Variants in LDHC observed in about 807,000 individuals in gnomAD.
LDHC encodes lactate dehydrogenase C, also known as L-lactate dehydrogenase C chain.
Under a neutral mutation model 30.2 loss-of-function variants are expected in LDHC, and 20 were observed. That is an observed-to-expected ratio of 0.66 (90% CI 0.47 to 0.96). The LOEUF is 0.96. LDHC is among the 40% of genes least tolerant of loss of function. The pLI, the probability that LDHC is intolerant of heterozygous loss-of-function variation, is 0.00. For missense variants in LDHC, 362 were observed against 394.9 expected (o/e 0.92, Z 0.71); for synonymous variants, 139 against 132.7 (o/e 1.05, Z -0.32).
chr11:18,451,345 A>G lies in LDHC; in HGVS notation c.*218A>G. 2.9e-6 allele frequency: 1 copy of G among 347,130 alleles called. No homozygotes were observed. The highest frequency in any genetic ancestry group is 5.1e-6 in the Non-Finnish European group (1 of 196,368). 21.5% of individuals were successfully genotyped at this position (347,130 alleles called of 1,614,324 possible). A position where few individuals can be genotyped will look rare whatever the true frequency, so the allele number is the denominator to read the frequency against. On this transcript the variant is annotated 3_prime_UTR_variant, in exon 8 of 8. Coordinates refer to ENST00000541669, the MANE Select transcript of LDHC (RefSeq NM_017448.5). ...TCTATTCTAATGATACCCAATCTGTACAGGTGTAAGTTATACTTCTGAGGT... is the reference window on the plus strand; with the variant it reads ...TCTATTCTAATGATACCCAATCTGTGCAGGTGTAAGTTATACTTCTGAGGT...
chr11:18,415,238 G>T lies in LDHC; in HGVS notation c.181G>T (p.Glu61Ter). ...VDVALDKLKGEMMDLQHGSLF... is the reference protein window; with the variant it reads ...VDVALDKLKG ...TGTTGCATTGGACAAACTGAAGGGA[G>T]AAATGATGGATCTTCAGCATGGCAG... The change falls in exon 3 of 8, where the codon GAA becomes TAA. Residue 61 changes from glutamate to a stop codon, truncating the protein, a stop_gained. Coordinates refer to ENST00000541669, the MANE Select transcript of LDHC (RefSeq NM_017448.5). LOFTEE classifies it high-confidence loss of function. The T allele has an allele frequency of 6.2e-7, 1 of 1,611,238 alleles. No homozygotes were observed. The highest frequency in any genetic ancestry group is 8.5e-7 in the Non-Finnish European group (1 of 1,177,890).
At chr11:18,443,305 C>T (rs376300218) in intron 6 of LDHC, among the ~76,000 whole-genome samples, 4 of 152,150 alleles carry the variant, frequency 2.6e-5, no homozygotes, top group Admixed American at 6.6e-5. Flanking sequence ...CCATACCCCC[C>T]ACCCACTAAG....
intron 6 of LDHC, among the ~76,000 whole-genome samples, chr11:18,440,144 CA>C (rs35749455): frequency 0.017 from 1,412 of 83,038 alleles, 23 homozygotes; most frequent in African/African-American, 0.049. Context: ...TACTAAAATA[CA>C]AAAAAAAAAA....
intron 6 of LDHC, among the ~76,000 whole-genome samples, chr11:18,438,851 A>G (rs1010124512): frequency 1.3e-5 from 2 of 152,204 alleles, no homozygotes; most frequent in Admixed American, 1.3e-4. Context: ...CACAACTCAT[A>G]TATTTGAGAG....
At chr11:18,448,962 C>T (rs556857179) in intron 7 of LDHC, among the ~76,000 whole-genome samples, 21 of 152,208 alleles carry the variant, frequency 1.4e-4, no homozygotes, top group African/African-American at 5.1e-4. Flanking sequence ...AGGCAGGAGC[C>T]CTTGTTCCCA....
intron 4 of LDHC, among the ~76,000 whole-genome samples, chr11:18,430,135 A>G (rs1848239441): frequency 6.6e-6 from 1 of 152,196 alleles, no homozygotes; most frequent in Admixed American, 6.6e-5. Flanking sequence ...GCCTCCTTGC[A>G]GTTCATCTCT....
In LDHC at chr11:18,438,451, T is replaced by TA. The variant is rs566809745; in HGVS notation, c.593-70dup. On this transcript the variant is annotated intron_variant, in intron 5 of 7. Transcript: ENST00000541669. ...AACCATATCAGGTGGCAACTTAACT[T>TA]AAAAAAACAACACTGAACTCAAACT... is the stretch of plus-strand genomic sequence containing the variant. 156 of 941,220 alleles carry TA rather than the reference T, an allele frequency of 1.7e-4. 1 individual carries two copies. The South Asian group carries it at 2.1e-3, about 13-fold the overall frequency. The allele number at this position is 941,220 out of a possible 1,614,324, so 58.3% of individuals were successfully genotyped here.
chr11:18,414,764 G>T (rs1457832360), intron 2 of LDHC, among the ~76,000 whole-genome samples: 1 of 152,152 alleles, frequency 6.6e-6, no homozygotes, highest in African/African-American at 2.4e-5. Context: ...GGAGACGGAG[G>T]TTGCAGTGCC....
chr11:18,417,096 C>T lies in LDHC; in HGVS notation c.244+1795C>T, dbSNP rs972068617. ...ACAGGGTTTCACCACGTTAGCCAGG[C>T]TGGTCTTGAACTCCTGACCTCAGGT... On this transcript the variant is annotated intron_variant, in intron 3 of 7. Coordinates refer to ENST00000541669, the MANE Select transcript of LDHC (RefSeq NM_017448.5). Among the ~76,000 whole-genome samples the T allele has an allele frequency of 9.2e-5, 14 of 152,150 alleles. 1 individual carries two copies.
chr11:18,451,174 G>C lies in LDHC; in HGVS notation c.*47G>C, dbSNP rs1848650593. 7.5e-6 allele frequency: 9 copies of C among 1,199,728 alleles called. No homozygotes were observed. The highest frequency in any genetic ancestry group is 1.0e-5 in the Non-Finnish European group (9 of 889,726). The allele number at this position is 1,199,728 out of a possible 1,614,324, so 74.3% of individuals were successfully genotyped here. On this transcript the variant is annotated 3_prime_UTR_variant, in exon 8 of 8. Transcript: ENST00000541669. ...ACTGTTTGGAGAACAGAAGATAGCA[G>C]GCTGTGTATTTTAAATTTTGAAAGT... is the stretch of plus-strand genomic sequence containing the variant.
At position 18,438,132 on chromosome 11, in the gene LDHC, G is replaced by T. The variant is rs138990045; in HGVS notation, c.593-396G>T. On this transcript the variant is annotated intron_variant, in intron 5 of 7. Transcript: ENST00000541669. ...AATTTAGCTTGTGCTTCTGCAGGTT[G>T]TACAGGCATGGCTCCAAGATATGCT... Among the ~76,000 whole-genome samples the T allele has an allele frequency of 5.3e-5, 8 of 152,268 alleles. No individual in the cohort carries two copies. The East Asian group carries it at 1.3e-3, about 26-fold the overall frequency.
At chr11:18,417,810 A>C (rs1249575253) in intron 3 of LDHC, among the ~76,000 whole-genome samples, 2 of 152,194 alleles carry the variant, frequency 1.3e-5, no homozygotes, top group Non-Finnish European at 2.9e-5. Flanking sequence ...AAAGAGATTA[A>C]CAATAATGTA....
At chr11:18,441,717 C>T (rs1848469842) in intron 6 of LDHC, among the ~76,000 whole-genome samples, 1 of 151,540 alleles carries the variant, frequency 6.6e-6, no homozygotes, top group Non-Finnish European at 1.5e-5. Flanking sequence ...TCAAGACCAG[C>T]CTGGCCCAAC....
chr11:18,434,869 C>A lies in LDHC; in HGVS notation c.548C>A (p.Thr183Lys). ...GGAGAAAAGTTGGGTGTCCACCCCA[C>A]AAGCTGCCATGGTTGGATTATTGGA... ...LIGEKLGVHP[T>K]SCHGWIIGEH... The change falls in exon 5 of 8, where the codon ACA becomes AAA. Residue 183 changes from threonine (T) to lysine (K), a missense_variant. By Grantham distance (78) the Thr-to-Lys change is moderately conservative. Transcript: ENST00000541669. 6.2e-7 allele frequency: 1 copy of A among 1,613,386 alleles called. No homozygotes were observed. The highest frequency in any genetic ancestry group is 1.7e-5 in the Admixed American group (1 of 60,000).
At chr11:18,429,146 G>A (rs1323299515) in intron 3 of LDHC, among the ~76,000 whole-genome samples, 1 of 109,394 alleles carries the variant, frequency 9.1e-6, no homozygotes, top group African/African-American at 3.5e-5. Context: ...TTTTGAGACA[G>A]AGTCTTGCCA....
At chr11:18,428,352 G>A (rs1049578451) in intron 3 of LDHC, among the ~76,000 whole-genome samples, 10 of 151,284 alleles carry the variant, frequency 6.6e-5, no homozygotes, top group Non-Finnish European at 1.0e-4. Context: ...TGTATTTTTA[G>A]TAGAGACATG....
chr11:18,430,391 G>A (rs974837317), intron 4 of LDHC, among the ~76,000 whole-genome samples: 2 of 152,018 alleles, frequency 1.3e-5, no homozygotes, highest in African/African-American at 4.8e-5. Context: ...CTCACTCGAG[G>A]TTGGAGTGCA....
chr11:18,413,063 T>C (rs1866928336), intron 2 of LDHC, among the ~76,000 whole-genome samples: 1 of 151,338 alleles, frequency 6.6e-6, no homozygotes, highest in South Asian at 2.1e-4. Flanking sequence ...TCTTTTCCTT[T>C]CTTTTTTTTT....
At chr11:18,445,056 T>C (rs567327184) in intron 6 of LDHC, among the ~76,000 whole-genome samples, 1 of 152,326 alleles carries the variant, frequency 6.6e-6, no homozygotes, top group South Asian at 2.1e-4. Flanking sequence ...ATGTTTAGTA[T>C]TGTGCTATTT....
Sources: gnomAD v4.1 joint callset for allele counts (sites outside exome capture counted in the v4.1 genomes callset) on GRCh38, gnomAD v4.1.1 for gene constraint, MANE v1.5 for transcripts, NCBI Gene and HGNC (gene_info 2026-07-23, HGNC 2026-07-21) for gene names.